The following XPR1 variants were observed in gnomAD, a reference collection of about 807,000 sequenced individuals.
XPR1 encodes xenotropic and polytropic retrovirus receptor 1, also known as solute carrier family 53 member 1.
A neutral mutation model predicts 87.5 loss-of-function variants in XPR1; 28 were observed. The observed-to-expected ratio is 0.32, with a 90% CI of 0.24 to 0.44. XPR1 has a LOEUF of 0.44. Ranked by LOEUF, XPR1 falls within the 20% of genes least tolerant of loss-of-function variation. The probability of loss-of-function intolerance (pLI) is 1.00; values close to 1 mark genes in which losing one functional copy is unlikely to be tolerated. For synonymous variants in XPR1, 300 were observed against 306.1 expected (o/e 0.98, Z 0.21); for missense variants, 559 against 862.3 (o/e 0.65, Z 4.41).
intron 2 of XPR1, among the ~76,000 whole-genome samples, chr1:180,685,750 T>C (rs1440400232): frequency 9.2e-5 from 14 of 152,248 alleles, no homozygotes; most frequent in Admixed American, 9.2e-4. Flanking sequence ...ATCCATTTCT[T>C]CTAGATTTTC....
intron 1 of XPR1, among the ~76,000 whole-genome samples, chr1:180,655,298 A>C (rs1300511028): frequency 6.6e-6 from 1 of 151,476 alleles, no homozygotes; most frequent in Non-Finnish European, 1.5e-5. Flanking sequence ...GGAGTTCTCT[A>C]TCTATTCTGG....
At chr1:180,663,481 G>A (rs2331626) in intron 1 of XPR1, among the ~76,000 whole-genome samples, 1 of 151,976 alleles carries the variant, frequency 6.6e-6, no homozygotes, top group African/African-American at 2.4e-5. Context: ...CTTTTACTTT[G>A]TCCTAGATAA....
Position 180,655,403 on chromosome 1 carries a change from T to C in XPR1, c.69+23133T>C, listed in dbSNP as rs993384764. Among the ~76,000 whole-genome samples the C allele has an allele frequency of 2.4e-3, 361 of 148,290 alleles. 2 individuals are homozygous for C. Among genetic ancestry groups the C allele is most frequent in the African/African-American group, 8.1e-3 (326 of 40,458 alleles). ...TGTTGATAGTCTCTCTCTCTCTCTT[T>C]TTTTTTTTTTTTTTTGAGACAGGGT... is the stretch of plus-strand genomic sequence containing the variant. On this transcript the variant is annotated intron_variant, in intron 1 of 14. Coordinates refer to ENST00000367590, the MANE Select transcript of XPR1 (RefSeq NM_004736.4).
intron 2 of XPR1, among the ~76,000 whole-genome samples, chr1:180,766,493 G>A (rs890639124): frequency 6.6e-6 from 1 of 152,068 alleles, no homozygotes; most frequent in African/African-American, 2.4e-5. Flanking sequence ...TCTAGCCCAG[G>A]CTTGAGATGT....
At chr1:180,862,018 TAC>T (rs1491404143) in intron 11 of XPR1, among the ~76,000 whole-genome samples, 1 of 152,126 alleles carries the variant, frequency 6.6e-6, no homozygotes, top group East Asian at 1.9e-4. Flanking sequence ...GAGTATGTGT[TAC>T]CTTTGTTTTA....
intron 11 of XPR1, among the ~76,000 whole-genome samples, chr1:180,839,805 A>G (rs954927242): frequency 6.6e-5 from 10 of 152,214 alleles, no homozygotes; most frequent in African/African-American, 2.4e-4. Context: ...GGGCTTCTGG[A>G]TGGTAAATTG....
chr1:180,736,071 G>A (rs17373584), intron 2 of XPR1, among the ~76,000 whole-genome samples: 47,568 of 152,110 alleles, frequency 0.31, 8,190 homozygotes, highest in Non-Finnish European at 0.38. Context: ...AAGTATGTAA[G>A]CAATGTGAAG....
intron 2 of XPR1, among the ~76,000 whole-genome samples, chr1:180,725,344 T>A (rs531905474): frequency 1.3e-5 from 2 of 152,100 alleles, no homozygotes; most frequent in African/African-American, 4.8e-5. Flanking sequence ...TGAAGGACAC[T>A]GAGAGAGTAT....
intron 2 of XPR1, among the ~76,000 whole-genome samples, chr1:180,767,873 C>A (rs1419773617): frequency 6.6e-6 from 1 of 150,858 alleles, no homozygotes; most frequent in Non-Finnish European, 1.5e-5. Context: ...GAGACGGAGT[C>A]TTGCTCTGTT....
chr1:180,683,407 A>G (rs2101946036), intron 2 of XPR1, among the ~76,000 whole-genome samples: 1 of 152,216 alleles, frequency 6.6e-6, no homozygotes, highest in Middle Eastern at 3.4e-3. Flanking sequence ...GCTATTGTGA[A>G]TAGTGCTGCT....
At chr1:180,750,926 C>A (rs749840223) in intron 2 of XPR1, among the ~76,000 whole-genome samples, 2 of 151,958 alleles carry the variant, frequency 1.3e-5, no homozygotes, top group Non-Finnish European at 2.9e-5. Flanking sequence ...TTTGTCTTAG[C>A]AACATTTTTA....
chr1:180,635,368 C>G lies in XPR1; in HGVS notation c.69+3098C>G, dbSNP rs1461099871. ...GAATTAGTGACTATATATTTTAAAG[C>G]TCTGCAATTGATTAATCAAAATTAA... On this transcript the variant is annotated intron_variant, in intron 1 of 14. Coordinates refer to ENST00000367590, the MANE Select transcript of XPR1 (RefSeq NM_004736.4). Among the ~76,000 whole-genome samples, 3 of 152,252 alleles carry G rather than the reference C, an allele frequency of 2.0e-5. No individual in the cohort carries two copies. The East Asian group carries it at 5.8e-4, about 29-fold the overall frequency.
rs909033428 is a variant in XPR1, at chr1:180,632,068, T to TCGG, written c.-124_-122dup. ...GCGGGCGGGCTGCTCTGAAGAGACC[T>TCGG]CGGCGGCGGCGGAGGAGGAGAGAAG... On this transcript the variant is annotated 5_prime_UTR_variant, in exon 1 of 15. Transcript: ENST00000367590. 1.9e-5 allele frequency: 20 copies of TCGG among 1,046,440 alleles called. No homozygotes were observed. Among genetic ancestry groups the TCGG allele is most frequent in the African/African-American group, 4.7e-5 (3 of 63,234 alleles). The allele number at this position is 1,046,440 out of a possible 1,614,324, so 64.8% of individuals were successfully genotyped here.
At chr1:180,745,398 G>A (rs147657285) in intron 2 of XPR1, among the ~76,000 whole-genome samples, 3 of 152,300 alleles carry the variant, frequency 2.0e-5, no homozygotes, top group Admixed American at 1.3e-4. Flanking sequence ...GTCCGAGAAC[G>A]AGAGTGAGCA....
Position 180,742,445 on chromosome 1 carries a change from C to A in XPR1, c.122-45308C>A, listed in dbSNP as rs117685228. 3.7e-4 allele frequency among the ~76,000 whole-genome samples: 56 copies of A among 152,074 alleles called. 3 individuals carry two copies. In the East Asian group the frequency reaches 0.011, roughly 29 times the overall value. ...TGTGTTTGGAGAATTTGCTATTATC[C>A]TTTCATTATTGATTTCTAATTTTGT... On this transcript the variant is annotated intron_variant, in intron 2 of 14. Coordinates refer to ENST00000367590, the MANE Select transcript of XPR1 (RefSeq NM_004736.4).
chr1:180,686,334 G>T (rs547731797), intron 2 of XPR1, among the ~76,000 whole-genome samples: 100 of 152,242 alleles, frequency 6.6e-4, no homozygotes, highest in Middle Eastern at 3.4e-3. Context: ...TAGTTTGATT[G>T]CACTGTGGTC....
chr1:180,693,697 C>G (rs999245188), intron 2 of XPR1, among the ~76,000 whole-genome samples: 7 of 152,138 alleles, frequency 4.6e-5, no homozygotes, highest in African/African-American at 1.2e-4. Context: ...TGCTGGCTTT[C>G]TTGGCTTGTG....
At chr1:180,672,448 AG>A (rs1571707633) in intron 1 of XPR1, among the ~76,000 whole-genome samples, 1 of 152,192 alleles carries the variant, frequency 6.6e-6, no homozygotes, top group African/African-American at 2.4e-5. Flanking sequence ...TTAGAACCAA[AG>A]CTAAGTAAGT....
intron 11 of XPR1, among the ~76,000 whole-genome samples, chr1:180,849,808 A>G (rs1232139697): frequency 1.3e-5 from 2 of 152,164 alleles, no homozygotes; most frequent in African/African-American, 2.4e-5. Flanking sequence ...GTAAGTTTTC[A>G]TAGAGAGGAA....
Sources: allele counts gnomAD v4.1 joint callset (sites outside exome capture counted in the v4.1 genomes callset), GRCh38; gene constraint gnomAD v4.1.1; transcripts MANE v1.5; gene names NCBI Gene and HGNC (gene_info 2026-07-23, HGNC 2026-07-21).